Variants in PGS1 observed in about 807,000 individuals in gnomAD.
The protein encoded by PGS1 is CDP-diacylglycerol--glycerol-3-phosphate 3-phosphatidyltransferase, mitochondrial.
PGS1 carries 44 observed loss-of-function variants against 58.3 expected under a neutral mutation model. The ratio of observed to expected loss-of-function variants is 0.75; its 90% CI spans 0.59 to 0.97. The LOEUF is 0.97. PGS1 is among the 50% of genes least tolerant of loss of function. The pLI, the probability that PGS1 is intolerant of heterozygous loss-of-function variation, is 0.00. For synonymous variants in PGS1, 330 were observed against 311.0 expected, an observed-to-expected ratio of 1.06 and a Z score of -0.64; for missense variants, 684 against 731.1, an observed-to-expected ratio of 0.94 and a Z score of 0.74.
At chr17:78,401,316 G>A (rs911436852) in intron 6 of PGS1, among the ~76,000 whole-genome samples, 1 of 152,208 alleles carries the variant, frequency 6.6e-6, no homozygotes. Context: ...AAGCAACCAG[G>A]CCAGCAGCTG....
chr17:78,414,798 C>G (rs1753334964), intron 7 of PGS1, 81 bp from the exon 8 acceptor site: 2 of 1,532,888 alleles, frequency 1.3e-6, no homozygotes, highest in Admixed American at 1.7e-5. Context: ...CCGCCTTTCT[C>G]TTAGATTGCA....
intron 3 of PGS1, among the ~76,000 whole-genome samples, chr17:78,397,274 G>A (rs757747041): frequency 3.9e-5 from 6 of 152,336 alleles, no homozygotes; most frequent in South Asian, 4.1e-4. Flanking sequence ...ATTGCTTTCC[G>A]CTCGGTATAG....
intron 1 of PGS1, among the ~76,000 whole-genome samples, chr17:78,382,450 C>T (rs774976084): frequency 3.9e-5 from 6 of 151,916 alleles, no homozygotes; most frequent in African/African-American, 9.7e-5. Context: ...TTCACGAAAA[C>T]GGAGTAAAGA....
At chr17:78,379,872 TTTC>T (rs1378900110) in intron 1 of PGS1, among the ~76,000 whole-genome samples, 1 of 146,822 alleles carries the variant, frequency 6.8e-6, no homozygotes, top group Non-Finnish European at 1.5e-5. Context: ...TTTCTTTTCT[TTTC>T]TTTTTTTTTT....
At position 78,396,356 on chromosome 17, in the gene PGS1, C is replaced by A; in HGVS notation, c.382C>A (p.Leu128Met). The change falls in exon 3 of 10, where the codon CTG becomes ATG. Residue 128 changes from leucine to methionine, a missense_variant. Physicochemically the swap from Leu to Met is conservative, Grantham distance 15. Coordinates refer to ENST00000262764, the MANE Select transcript of PGS1 (RefSeq NM_024419.5). ...KRRVVMASLY[L>M]GTGPLEQELV... ...GCGGGTCGTGATGGCATCCCTCTAC[C>A]TGGGGACAGGTCCTTTGGAACAGGA... 1 of 1,613,334 alleles carries A rather than the reference C, an allele frequency of 6.2e-7. No individual in the cohort carries two copies. The highest frequency in any genetic ancestry group is 8.5e-7 in the Non-Finnish European group (1 of 1,179,560).
chr17:78,399,253 C>T, intron 4 of PGS1, 95 bp from the exon 5 acceptor site: 1 of 927,854 alleles, frequency 1.1e-6, no homozygotes, highest in East Asian at 2.4e-5. Flanking sequence ...GTGGACGGCA[C>T]AGGTGAAGGC....
At position 78,384,365 on chromosome 17, in the gene PGS1, T is replaced by C. The variant is rs186643751; in HGVS notation, c.143+5557T>C. 2.1e-3 allele frequency among the ~76,000 whole-genome samples: 324 copies of C among 152,316 alleles called. 2 individuals are homozygous for C. Among genetic ancestry groups the C allele is most frequent in the Admixed American group, 6.2e-3 (95 of 15,288 alleles). On this transcript the variant is annotated intron_variant, in intron 1 of 9. Coordinates refer to ENST00000262764, the MANE Select transcript of PGS1 (RefSeq NM_024419.5). ...CAGGAAGTACGGTACCTTCTTGTAG[T>C]TTCTGGAGCCTTTCTCAGGAAGTGT...
rs371312410 is a variant in PGS1 at position 78,424,094 on chromosome 17, G to A, written c.*44G>A. Reference sequence around the variant, plus strand: ...TTGATGAAGATGACAGGCATGGCCGGGGTCAGCTCTTTCAGCCGCGCTTCA... The same window carrying A: ...TTGATGAAGATGACAGGCATGGCCGAGGTCAGCTCTTTCAGCCGCGCTTCA... On this transcript the variant is annotated 3_prime_UTR_variant, in exon 10 of 10. Transcript: ENST00000262764. 2.5e-6 allele frequency: 4 copies of A among 1,613,826 alleles called. No individual in the cohort carries two copies. Among genetic ancestry groups the A allele is most frequent in the East Asian group, 2.2e-5 (1 of 44,896 alleles).
intron 1 of PGS1, among the ~76,000 whole-genome samples, chr17:78,384,841 C>T (rs1339154036): frequency 6.6e-6 from 1 of 152,238 alleles, no homozygotes; most frequent in African/African-American, 2.4e-5. Flanking sequence ...GGGGGAAACA[C>T]GTGTTCTCTG....
intron 9 of PGS1, chr17:78,419,905 A>G (rs2085546666): frequency 7.9e-7 from 1 of 1,262,226 alleles, no homozygotes; most frequent in Non-Finnish European, 1.0e-6. Context: ...CTAAGTCCCA[A>G]GGCGCCTGTG....
At chr17:78,392,756 G>C (rs1598277982) in intron 2 of PGS1, 91 bp downstream of exon 2, 2 of 957,748 alleles carry the variant, frequency 2.1e-6, no homozygotes, top group Non-Finnish European at 1.6e-6. Flanking sequence ...TAGAAACTTT[G>C]GATAGCTGCT....
At chr17:78,423,776 A>G in intron 9 of PGS1, 1 of 1,250,338 alleles carries the variant, frequency 8.0e-7, no homozygotes, top group Non-Finnish European at 1.1e-6. Context: ...GCTTGGTTAC[A>G]AAGCACCTGA....
chr17:78,411,844 A>T (rs1018476843), intron 7 of PGS1, among the ~76,000 whole-genome samples: 1 of 141,052 alleles, frequency 7.1e-6, no homozygotes, highest in Non-Finnish European at 1.5e-5. Flanking sequence ...GTCTGACCGG[A>T]GCTCCAGACC....
At chr17:78,385,798 A>C (rs760241829) in intron 1 of PGS1, among the ~76,000 whole-genome samples, 28 of 152,098 alleles carry the variant, frequency 1.8e-4, no homozygotes, top group Admixed American at 3.9e-4. Context: ...AGTTTGGCTG[A>C]TTATTGTGAG....
chr17:78,387,160 T>C (rs1427408317), intron 1 of PGS1, among the ~76,000 whole-genome samples: 2 of 149,306 alleles, frequency 1.3e-5, no homozygotes, highest in African/African-American at 4.9e-5. Context: ...TGCGCCACCA[T>C]GCCCAGCTAA....
chr17:78,388,294 G>A (rs1190578605), intron 1 of PGS1, among the ~76,000 whole-genome samples: 4 of 152,270 alleles, frequency 2.6e-5, no homozygotes, highest in Middle Eastern at 3.4e-3. Flanking sequence ...CAGGTAGGAC[G>A]GAGGTGATAG....
intron 7 of PGS1, among the ~76,000 whole-genome samples, chr17:78,413,972 G>T (rs2084952106): frequency 6.6e-6 from 1 of 152,220 alleles, no homozygotes; most frequent in Non-Finnish European, 1.5e-5. Flanking sequence ...ATACTGACTG[G>T]CTCATTTCCC....
chr17:78,410,619 A>G (rs778771406), intron 7 of PGS1, among the ~76,000 whole-genome samples: 28 of 151,784 alleles, frequency 1.8e-4, no homozygotes, highest in Admixed American at 5.9e-4. Context: ...GATTACAGGC[A>G]CGCACCAGAA....
At chr17:78,421,033 A>G (rs571436260) in intron 9 of PGS1, 14 of 152,374 alleles carry the variant, frequency 9.2e-5, no homozygotes, top group South Asian at 8.3e-4. Flanking sequence ...TTGAAGTCCA[A>G]TTAAGGACTA....
Sources: gnomAD v4.1 joint callset for allele counts (sites outside exome capture counted in the v4.1 genomes callset) on GRCh38, gnomAD v4.1.1 for gene constraint, MANE v1.5 for transcripts, NCBI Gene and HGNC (gene_info 2026-07-23, HGNC 2026-07-21) for gene names.